Variants in ZNF469 observed in about 807,000 individuals in gnomAD.
The protein encoded by ZNF469 is zinc finger protein 469.
Under a neutral mutation model 1.0 loss-of-function variants are expected in ZNF469, and 1 was observed. The ratio of observed to expected loss-of-function variants is 1.00; its 90% confidence interval spans 0.35 to 4.73. The LOEUF (loss-of-function observed/expected upper bound fraction) is 4.73, where lower values mean the gene tolerates loss of function less well. Ranked by LOEUF, ZNF469 falls within the 30% of genes most tolerant of loss-of-function variation. The pLI is 0.16. For synonymous variants in ZNF469, 2,703 were observed against 2,363.4 expected (o/e 1.14, Z -4.17); for missense variants, 6,100 against 5,356.3 (o/e 1.14, Z -4.33).
chr16:88,163,654 A>G, the ZNF469 span, among the ~76,000 whole-genome samples: 10,075 of 106,774 alleles, frequency 0.094, 677 homozygotes, highest in East Asian at 0.21. Context: ...GGATGGATGG[A>G]TAGTTGGGTA....
the ZNF469 span, among the ~76,000 whole-genome samples, chr16:88,193,117 ATGGTGG>A: frequency 0.81 from 54,341 of 67,272 alleles, 23,232 homozygotes; most frequent in East Asian, 0.91. Context: ...GGTGGTGGTG[ATGGTGG>A]TGGTGGTGAT....
chr16:88,232,259 C>G, the ZNF469 span, among the ~76,000 whole-genome samples: 9 of 152,176 alleles, frequency 5.9e-5, no homozygotes, highest in African/African-American at 2.2e-4. Context: ...AAAGGATTGC[C>G]CTGCACAGCC....
At chr16:88,292,261 C>T in the ZNF469 span, among the ~76,000 whole-genome samples, 1 of 152,162 alleles carries the variant, frequency 6.6e-6, no homozygotes, top group African/African-American at 2.4e-5. Flanking sequence ...AGACAGCAGC[C>T]GATGCTTGGG....
chr16:88,120,013 T>G, the ZNF469 span, among the ~76,000 whole-genome samples: 1 of 152,050 alleles, frequency 6.6e-6, no homozygotes, highest in Non-Finnish European at 1.5e-5. Flanking sequence ...CTTCTGAGAA[T>G]GGGATGGGGA....
the ZNF469 span, among the ~76,000 whole-genome samples, chr16:88,218,499 A>T: frequency 1.3e-5 from 2 of 152,172 alleles, no homozygotes; most frequent in South Asian, 4.1e-4. Flanking sequence ...TTGGTGTTTT[A>T]GACATGAAGT....
At chr16:88,224,032 G>A in the ZNF469 span, among the ~76,000 whole-genome samples, 1 of 152,210 alleles carries the variant, frequency 6.6e-6, no homozygotes, top group Non-Finnish European at 1.5e-5. Flanking sequence ...TCTTTCAAAT[G>A]ATAAGAGCGA....
chr16:88,247,884 T>C, the ZNF469 span, among the ~76,000 whole-genome samples: 1 of 152,270 alleles, frequency 6.6e-6, no homozygotes, highest in Non-Finnish European at 1.5e-5. Context: ...GGTTGGGTCA[T>C]GTCCAGATTT....
At chr16:88,400,676 C>T (rs193114152) in intron 1 of ZNF469, among the ~76,000 whole-genome samples, 3 of 152,142 alleles carry the variant, frequency 2.0e-5, no homozygotes, top group African/African-American at 7.2e-5. Context: ...AGCGGGTGGT[C>T]GGCAGTGCAA....
At chr16:88,422,354 TG>T (rs1183868420) in intron 1 of ZNF469, among the ~76,000 whole-genome samples, 2 of 109,066 alleles carry the variant, frequency 1.8e-5, no homozygotes. Context: ...GGCAGGTGGA[TG>T]GGGGGATGAA....
At chr16:88,163,655 T>C in the ZNF469 span, among the ~76,000 whole-genome samples, 2,193 of 138,234 alleles carry the variant, frequency 0.016, 60 homozygotes, top group African/African-American at 0.056. Flanking sequence ...GATGGATGGA[T>C]AGTTGGGTAG....
At chr16:88,141,555 G>GCCC in the ZNF469 span, among the ~76,000 whole-genome samples, 145 of 84,730 alleles carry the variant, frequency 1.7e-3, 5 homozygotes, top group African/African-American at 4.5e-3. Context: ...TGGGAAAGAG[G>GCCC]TCCTGGGAGG....
At chr16:88,213,024 G>A in the ZNF469 span, among the ~76,000 whole-genome samples, 3 of 151,860 alleles carry the variant, frequency 2.0e-5, no homozygotes, top group Non-Finnish European at 2.9e-5. Context: ...TTATGCTACC[G>A]TTTTCTTCTG....
At chr16:88,103,794 G>A in the ZNF469 span, among the ~76,000 whole-genome samples, 1 of 149,794 alleles carries the variant, frequency 6.7e-6, no homozygotes, top group South Asian at 2.1e-4. Context: ...GGCATGGGGG[G>A]TTGGTGGGAT....
the ZNF469 span, among the ~76,000 whole-genome samples, chr16:88,345,393 A>T: frequency 6.6e-6 from 1 of 152,172 alleles, no homozygotes; most frequent in South Asian, 2.1e-4. Context: ...ATTAACTTAA[A>T]TGTAAGCAGC....
At chr16:88,202,157 G>A in the ZNF469 span, among the ~76,000 whole-genome samples, 55 of 152,276 alleles carry the variant, frequency 3.6e-4, no homozygotes, top group African/African-American at 1.2e-3. Context: ...CGGCACCTGC[G>A]AATCCACGTT....
the ZNF469 span, among the ~76,000 whole-genome samples, chr16:88,373,209 A>G: frequency 6.6e-6 from 1 of 152,234 alleles, no homozygotes; most frequent in African/African-American, 2.4e-5. Flanking sequence ...AGACTTGCCC[A>G]AAGTCACCCA....
At chr16:88,172,048 A>G in the ZNF469 span, among the ~76,000 whole-genome samples, 1 of 152,242 alleles carries the variant, frequency 6.6e-6, no homozygotes, top group African/African-American at 2.4e-5. Context: ...TGGAGGTGCC[A>G]GCTCACTGTA....
chr16:88,150,544 C>G, the ZNF469 span, among the ~76,000 whole-genome samples: 1 of 152,102 alleles, frequency 6.6e-6, no homozygotes, highest in African/African-American at 2.4e-5. Flanking sequence ...TAGCTGCTCC[C>G]CCTTTGTGGG....
chr16:88,393,170 C>A (rs1279583531), intron 1 of ZNF469, among the ~76,000 whole-genome samples: 8 of 152,278 alleles, frequency 5.3e-5, no homozygotes, highest in Non-Finnish European at 1.0e-4. Flanking sequence ...CGCGGACCAG[C>A]CCGTGTGCAT....
Sources: gnomAD v4.1 joint callset for allele counts (sites outside exome capture counted in the v4.1 genomes callset) on GRCh38, gnomAD v4.1.1 for gene constraint, MANE v1.5 for transcripts, NCBI Gene and HGNC (gene_info 2026-07-23, HGNC 2026-07-21) for gene names.